The following ACE variants were observed in gnomAD, a reference collection of about 807,000 sequenced individuals.
The protein encoded by ACE is angiotensin I converting enzyme, also known as angiotensin-converting enzyme.
ACE carries 122 observed loss-of-function variants against 162.3 expected under a neutral mutation model. The observed-to-expected ratio is 0.75, with a 90% CI of 0.65 to 0.87. The LOEUF is 0.87. Ranked by LOEUF, ACE falls within the 40% of genes least tolerant of loss-of-function variation. The pLI, the probability that ACE is intolerant of heterozygous loss-of-function variation, is 0.00. For synonymous variants in ACE, 796 were observed against 720.6 expected, an observed-to-expected ratio of 1.10 and a Z score of -1.68; for missense variants, 1,799 against 1,735.1, an observed-to-expected ratio of 1.04 and a Z score of -0.65.
rs775421383 is a variant in ACE at position 63,494,386 on chromosome 17, G to T, written c.3296G>T (p.Gly1099Val). Residue 1099 changes from glycine (G) to valine (V), a missense_variant, in exon 22 of 25, where the codon GGC becomes GTC. Coordinates refer to ENST00000290866, the MANE Select transcript of ACE (RefSeq NM_000789.4). ...CCACTCGACAGGCTGAAGTACCAGG[G>T]CCTCTGCCCCCCAGTGCCCAGGACT... ...EWWSLRLKYQ[G>V]LCPPVPRTQG... 53 of 1,613,932 alleles carry T rather than the reference G, an allele frequency of 3.3e-5. No individual in the cohort carries two copies. The highest frequency in any genetic ancestry group is 4.2e-5 in the Non-Finnish European group (50 of 1,179,982).
chr17:63,490,543 C>T, intron 17 of ACE: 1 of 262,650 alleles, frequency 3.8e-6, no homozygotes, highest in South Asian at 4.5e-5. Flanking sequence ...CAATGGGAAT[C>T]GTGACAGTAC....
Position 63,483,032 on chromosome 17 carries a change from G to A in ACE, c.1346G>A (p.Ser449Asn). 3 of 1,614,114 alleles carry A rather than the reference G, an allele frequency of 1.9e-6. No homozygotes were observed. The highest frequency in any genetic ancestry group is 1.7e-6 in the Non-Finnish European group (2 of 1,180,002). ...CTTTCATCTCATCTCCCAACAGAAA[G>A]TGACATCAATTACTTGCTAAAAATG... is the stretch of plus-strand genomic sequence containing the variant. ...LLDRVTNDTE[S>N]DINYLLKMAL... is the part of the protein sequence containing the mutation. The change falls in exon 9 of 25, where the codon AGT (serine) becomes AAT (asparagine). Residue 449 changes from serine (S) to asparagine (N), a missense_variant. Coordinates refer to ENST00000290866, the MANE Select transcript of ACE (RefSeq NM_000789.4).
Position 63,480,603 on chromosome 17 carries a change from G to A in ACE, c.847+75G>A, listed in dbSNP as rs552406283. On this transcript the variant is annotated intron_variant, in intron 5 of 24. Coordinates refer to ENST00000290866, the MANE Select transcript of ACE (RefSeq NM_000789.4). ...CGAGGTAGGGGTGGGGGATGTCCAGGGTAAGGGAAGGTGGGTTGTGACCCT... is the reference window on the plus strand; with the variant it reads ...CGAGGTAGGGGTGGGGGATGTCCAGAGTAAGGGAAGGTGGGTTGTGACCCT... 3.5e-5 allele frequency: 54 copies of A among 1,521,712 alleles called. No homozygotes were observed. The African/African-American group carries it at 6.3e-4, about 18-fold the overall frequency. 94.3% of individuals were successfully genotyped at this position (1,521,712 alleles called of 1,614,324 possible). A position where few individuals can be genotyped will look rare whatever the true frequency, so the allele number is the denominator to read the frequency against.
Position 63,482,473 on chromosome 17 carries a change from C to T in ACE, c.1126C>T (p.Gln376Ter). The T allele has an allele frequency of 1.2e-6, 2 of 1,613,996 alleles. No individual in the cohort carries two copies. The highest frequency in any genetic ancestry group is 1.7e-6 in the Non-Finnish European group (2 of 1,179,974). ...FYNRKDFRIK[Q>*]CTRVTMDQLS... ...GCCCTCTCTACGCCCCAGGATCAAGCAGTGCACACGGGTCACGATGGACCA... is the reference window on the plus strand; with the variant it reads ...GCCCTCTCTACGCCCCAGGATCAAGTAGTGCACACGGGTCACGATGGACCA... The change falls in exon 8 of 25, where the codon CAG (glutamine) becomes TAG (stop). Residue 376 changes from glutamine (Q) to a stop codon, truncating the protein, a stop_gained. Coordinates refer to ENST00000290866, the MANE Select transcript of ACE (RefSeq NM_000789.4). LOFTEE classifies it high-confidence loss of function.
rs1214574142 is a variant in ACE at position 63,480,407 on chromosome 17, CCT to C, written c.729_730del (p.Tyr244ProfsTer147). The C allele has an allele frequency of 1.9e-6, 3 of 1,614,082 alleles. No individual in the cohort carries two copies. Among genetic ancestry groups the C allele is most frequent in the Non-Finnish European group, 2.5e-6 (3 of 1,180,052 alleles). ...CCACCTTCGAGGACGATCTGGAACA[CCT>C]CTACCAACAGCTAGAGCCCCTCTAC... ...SPTFEDDLEH[L>X]YQQLEPLYLN... On this transcript the variant is annotated frameshift_variant, in exon 5 of 25. Transcript: ENST00000290866. LOFTEE classifies it high-confidence loss of function.
rs1231946478 is a variant in ACE at position 63,479,111 on chromosome 17, T to C, written c.511+11T>C. On this transcript the variant is annotated intron_variant, in intron 3 of 24. Coordinates refer to ENST00000290866, the MANE Select transcript of ACE (RefSeq NM_000789.4). ...GGTCCCTGGACCCAGGTACGGCCCTTGCAGCTCCCCTCTCGGCGGTGCCCT... is the reference window on the plus strand; with the variant it reads ...GGTCCCTGGACCCAGGTACGGCCCTCGCAGCTCCCCTCTCGGCGGTGCCCT... The C allele has an allele frequency of 6.8e-6, 11 of 1,606,136 alleles. No individual in the cohort carries two copies. Among genetic ancestry groups the C allele is most frequent in the Non-Finnish European group, 7.7e-6 (9 of 1,175,612 alleles).
chr17:63,487,396 TG>T (rs1374001781), intron 15 of ACE, among the ~76,000 whole-genome samples: 1 of 152,050 alleles, frequency 6.6e-6, no homozygotes, highest in Non-Finnish European at 1.5e-5. Flanking sequence ...GGACTCCAAA[TG>T]GGGGGAACTC....
In ACE at chr17:63,491,658, C is replaced by G. The variant is rs917761033; in HGVS notation, c.2912+277C>G. ...TGGGTTTGAGCATGGTAGGCTGCCC[C>G]GCGTCCCTCCTTGGGAGCAGCCCCT... On this transcript the variant is annotated intron_variant, in intron 19 of 24. Transcript: ENST00000290866. This position sits in a 1 kb window ranked among gnomAD's most constrained non-coding sequence, Gnocchi z 4.4. Among the ~76,000 whole-genome samples, 63 of 152,150 alleles carry G rather than the reference C, an allele frequency of 4.1e-4. No homozygotes were observed. The highest frequency in any genetic ancestry group is 1.5e-3 in the African/African-American group (63 of 41,458).
chr17:63,494,601 G>A, intron 22 of ACE, 131 bp downstream of exon 22: 1 of 801,626 alleles, frequency 1.2e-6, no homozygotes, highest in Non-Finnish European at 2.1e-6. Flanking sequence ...GCACGGTGCA[G>A]GTGCCTGGGC....
chr17:63,498,102 G>A lies in ACE; in HGVS notation c.*736G>A, dbSNP rs890545193. On this transcript the variant is annotated 3_prime_UTR_variant, in exon 25 of 25. Coordinates refer to ENST00000290866, the MANE Select transcript of ACE (RefSeq NM_000789.4). ...CTGTACCAGCTCCATGACTCTGCTC[G>A]GGTGAACAGCCTTGGCTCTCAGACA... The A allele has an allele frequency of 1.9e-5, 3 of 154,086 alleles. No individual in the cohort carries two copies. Among genetic ancestry groups the A allele is most frequent in the African/African-American group, 2.4e-5 (1 of 41,232 alleles). The allele number at this position is 154,086 out of a possible 1,614,324, so 9.5% of individuals were successfully genotyped here.
At chr17:63,480,585 G>A (rs2049690818) in intron 5 of ACE, 57 bp downstream of exon 5, 8 of 1,592,980 alleles carry the variant, frequency 5.0e-6, no homozygotes, top group Non-Finnish European at 6.9e-6. Context: ...TCCCGAGGTA[G>A]GGGTGGGGGA....
At chr17:63,478,935 T>C in intron 2 of ACE, 72 bp from the exon 3 acceptor site, 1 of 1,333,084 alleles carries the variant, frequency 7.5e-7, no homozygotes. Context: ...GGGCTCCTCC[T>C]TCTAGCAGCG....
At chr17:63,492,984 G>A (rs898527196) in intron 19 of ACE, among the ~76,000 whole-genome samples, 4 of 152,168 alleles carry the variant, frequency 2.6e-5, no homozygotes, top group African/African-American at 4.8e-5. Context: ...TAAGTTTGTC[G>A]CTGTTGGGCC....
intron 22 of ACE, 146 bp from the exon 23 acceptor site, chr17:63,496,248 G>A (rs1407914499): frequency 1.6e-5 from 20 of 1,216,686 alleles, no homozygotes; most frequent in Non-Finnish European, 2.4e-5. Context: ...CACCCTGATA[G>A]CTGTGGGCAG....
rs1345164089 is a variant in ACE, at chr17:63,477,931, G to A, written c.250G>A (p.Glu84Lys). 2 of 1,609,570 alleles carry A rather than the reference G, an allele frequency of 1.2e-6. No homozygotes were observed. The highest frequency in any genetic ancestry group is 2.2e-5 in the South Asian group (2 of 90,152). Residue 84 changes from glutamate to lysine, a missense_variant and splice_region_variant, in exon 2 of 25, where the codon GAG (glutamate) becomes AAG (lysine). Glu to Lys is a moderately conservative substitution (Grantham distance 56). Coordinates refer to ENST00000290866, the MANE Select transcript of ACE (RefSeq NM_000789.4). Reference protein sequence around the residue: ...NITAENARRQEEAALLSQEFA... With the variant: ...NITAENARRQKEAALLSQEFA... ...TCCCTGCCCTCCTGGTGCCCAATAG[G>A]AGGAAGCAGCCCTGCTCAGCCAGGA...
intron 13 of ACE, among the ~76,000 whole-genome samples, chr17:63,486,023 T>C (rs1218922809): frequency 1.3e-5 from 2 of 152,184 alleles, no homozygotes; most frequent in African/African-American, 2.4e-5. Context: ...AGTCGTTTTT[T>C]AAAAGATTGA....
chr17:63,489,949 C>T (rs191945796), intron 17 of ACE: 3 of 152,492 alleles, frequency 2.0e-5, no homozygotes, highest in Admixed American at 2.0e-4. Context: ...AGACACAGGC[C>T]CCGGGAAGAA....
At position 63,488,973 on chromosome 17, in the gene ACE, A is replaced by G. The variant is rs890006891; in HGVS notation, c.2482A>G (p.Met828Val). Residue 828 changes from methionine to valine, a missense_variant, in exon 17 of 25, where the codon ATG becomes GTG. Coordinates refer to ENST00000290866, the MANE Select transcript of ACE (RefSeq NM_000789.4). Reference protein sequence around the residue: ...YVDAGDSWRSMYETPSLEQDL... With the variant: ...YVDAGDSWRSVYETPSLEQDL... ...AGATGCAGGGGACTCGTGGAGGTCT[A>G]TGTACGAGACACCATCCCTGGAGCA... 10 of 1,614,042 alleles carry G rather than the reference A, an allele frequency of 6.2e-6. No individual in the cohort carries two copies. The highest frequency in any genetic ancestry group is 2.7e-5 in the African/African-American group (2 of 74,926).
chr17:63,480,412 A>G lies in ACE; in HGVS notation c.731A>G (p.Tyr244Cys), dbSNP rs3730025. 0.014 allele frequency: 22,505 copies of G among 1,614,048 alleles called. 182 individuals are homozygous for G. Among genetic ancestry groups the G allele is most frequent in the Non-Finnish European group, 0.016 (19,194 of 1,179,996 alleles). ...TTCGAGGACGATCTGGAACACCTCTACCAACAGCTAGAGCCCCTCTACCTG... is the reference window on the plus strand; with the variant it reads ...TTCGAGGACGATCTGGAACACCTCTGCCAACAGCTAGAGCCCCTCTACCTG... ...PTFEDDLEHLYQQLEPLYLNL... is the reference protein window; with the variant it reads ...PTFEDDLEHLCQQLEPLYLNL... Residue 244 changes from tyrosine to cysteine, a missense_variant, in exon 5 of 25, where the codon TAC (tyrosine) becomes TGC (cysteine). Coordinates refer to ENST00000290866, the MANE Select transcript of ACE (RefSeq NM_000789.4).
Sources: gnomAD v4.1 joint callset for allele counts (sites outside exome capture counted in the v4.1 genomes callset) on GRCh38, gnomAD v4.1.1 for gene constraint, Gnocchi (gnomAD v3.1) non-coding constraint, MANE v1.5 for transcripts, NCBI Gene and HGNC (gene_info 2026-07-23, HGNC 2026-07-21) for gene names.